Variants in NTM observed in about 807,000 individuals in gnomAD.
The protein encoded by NTM is neurotrimin.
Under a neutral mutation model 42.1 loss-of-function variants are expected in NTM, and 13 were observed. The ratio of observed to expected loss-of-function variants is 0.31; its 90% CI spans 0.20 to 0.49. The LOEUF is 0.49. NTM is among the 20% of genes least tolerant of loss of function. The pLI, the probability that NTM is intolerant of heterozygous loss-of-function variation, is 0.99. For missense variants in NTM, 373 were observed against 452.8 expected, an observed-to-expected ratio of 0.82 and a Z score of 1.60; for synonymous variants, 187 against 179.2, an observed-to-expected ratio of 1.04 and a Z score of -0.35.
chr11:131,683,968 G>T (rs926752814), intron 1 of NTM, among the ~76,000 whole-genome samples: 1 of 152,192 alleles, frequency 6.6e-6, no homozygotes, highest in South Asian at 2.1e-4. Context: ...GTGGCAAGAG[G>T]TTATTGGGAC....
intron 1 of NTM, among the ~76,000 whole-genome samples, chr11:131,634,444 T>C (rs2064114729): frequency 6.6e-6 from 1 of 151,962 alleles, no homozygotes. Context: ...CTCTGCATAA[T>C]ACAGTAATGA....
intron 1 of NTM, among the ~76,000 whole-genome samples, chr11:131,634,718 G>T (rs1055501937): frequency 1.8e-4 from 28 of 151,434 alleles, no homozygotes; most frequent in Non-Finnish European, 3.5e-4. Flanking sequence ...TGTGAACTTT[G>T]TGACTTCAGC....
chr11:131,944,804 T>G (rs1192143892), intron 2 of NTM, among the ~76,000 whole-genome samples: 2 of 152,298 alleles, frequency 1.3e-5, no homozygotes. Flanking sequence ...GTCGTGGAAA[T>G]GTATCATGCC....
chr11:132,134,722 T>C (rs1451582552), intron 2 of NTM, among the ~76,000 whole-genome samples: 1 of 55,720 alleles, frequency 1.8e-5, no homozygotes, highest in East Asian at 4.0e-4. Context: ...TATATATATA[T>C]ATATATATAT....
chr11:132,325,459 A>G (rs2095659424), intron 7 of NTM, among the ~76,000 whole-genome samples: 1 of 152,240 alleles, frequency 6.6e-6, no homozygotes, highest in South Asian at 2.1e-4. Context: ...AATCAAAACC[A>G]CAGTGAGATA....
At chr11:131,633,662 T>TCTCCCTCTCTCC (rs2063935750) in intron 1 of NTM, among the ~76,000 whole-genome samples, 1 of 133,188 alleles carries the variant, frequency 7.5e-6, no homozygotes, top group East Asian at 2.6e-4. Flanking sequence ...TCTCCCTCTC[T>TCTCCCTCTCTCC]CTCCCTCTCT....
intron 2 of NTM, among the ~76,000 whole-genome samples, chr11:131,993,707 A>G (rs2067433806): frequency 6.6e-6 from 1 of 152,172 alleles, no homozygotes; most frequent in Admixed American, 6.5e-5. Flanking sequence ...TAGAGCAACC[A>G]TAAAGGAGAG....
At chr11:132,185,434 A>T (rs911215870) in intron 3 of NTM, among the ~76,000 whole-genome samples, 1 of 152,232 alleles carries the variant, frequency 6.6e-6, no homozygotes, top group Non-Finnish European at 1.5e-5. Context: ...TATAATGCAC[A>T]CAAAGACTTT....
chr11:132,275,329 C>CA (rs950692105), intron 4 of NTM, among the ~76,000 whole-genome samples: 1 of 151,920 alleles, frequency 6.6e-6, no homozygotes, highest in Admixed American at 6.5e-5. Flanking sequence ...GGTGACTTTT[C>CA]AAAAATCAAT....
At chr11:131,505,064 G>A (rs561667246) in intron 1 of NTM, among the ~76,000 whole-genome samples, 1 of 152,132 alleles carries the variant, frequency 6.6e-6, no homozygotes, top group South Asian at 2.1e-4. Flanking sequence ...TGGTCTCAGA[G>A]TCATGAAACC....
intron 2 of NTM, among the ~76,000 whole-genome samples, chr11:132,027,855 T>C (rs1223562055): frequency 6.6e-6 from 1 of 152,228 alleles, no homozygotes; most frequent in Non-Finnish European, 1.5e-5. Flanking sequence ...CTACGTCTAG[T>C]AATCCCATTG....
At chr11:131,500,552 T>TATAC (rs1565569052) in intron 1 of NTM, among the ~76,000 whole-genome samples, 4 of 68,596 alleles carry the variant, frequency 5.8e-5, no homozygotes, top group Admixed American at 4.2e-4. Flanking sequence ...TATATATATA[T>TATAC]ATATATATAT....
intron 2 of NTM, among the ~76,000 whole-genome samples, chr11:132,041,591 A>G (rs1240670259): frequency 1.3e-5 from 2 of 152,334 alleles, no homozygotes; most frequent in East Asian, 1.9e-4. Context: ...CTCAGTGGGT[A>G]TGAACGTGCA....
At chr11:131,657,970 A>C (rs1268563710) in intron 1 of NTM, among the ~76,000 whole-genome samples, 1 of 152,116 alleles carries the variant, frequency 6.6e-6, no homozygotes, top group Non-Finnish European at 1.5e-5. Flanking sequence ...TTCTGAAGTG[A>C]GCTCTGAAGA....
intron 4 of NTM, among the ~76,000 whole-genome samples, chr11:132,289,525 C>G (rs2094381024): frequency 6.6e-6 from 1 of 152,158 alleles, no homozygotes; most frequent in Admixed American, 6.6e-5. Context: ...TGCCATCTGC[C>G]TAGAAAGCAG....
intron 1 of NTM, among the ~76,000 whole-genome samples, chr11:131,377,421 A>G (rs965360989): frequency 6.6e-6 from 1 of 152,162 alleles, no homozygotes; most frequent in Non-Finnish European, 1.5e-5. Flanking sequence ...CCAAGAAGAT[A>G]AAAGGAGAAT....
chr11:132,232,307 A>AGAG, intron 4 of NTM, among the ~76,000 whole-genome samples: 1 of 145,682 alleles, frequency 6.9e-6, no homozygotes, highest in East Asian at 2.0e-4. Flanking sequence ...TTAGGGGAAA[A>AGAG]GAGGAGGAGA....
intron 4 of NTM, among the ~76,000 whole-genome samples, chr11:132,234,289 G>A (rs1429706779): frequency 6.6e-6 from 1 of 152,150 alleles, no homozygotes; most frequent in East Asian, 1.9e-4. Flanking sequence ...GTCGGTCTTC[G>A]CTAGTACTGC....
chr11:131,743,790 TACAG>T (rs1176377161), intron 1 of NTM, among the ~76,000 whole-genome samples: 1 of 152,224 alleles, frequency 6.6e-6, no homozygotes, highest in Non-Finnish European at 1.5e-5. Context: ...TTCAGCATAA[TACAG>T]ACAAACTAGA....
Sources: allele counts gnomAD v4.1 joint callset (sites outside exome capture counted in the v4.1 genomes callset), GRCh38; gene constraint gnomAD v4.1.1; transcripts MANE v1.5; gene names NCBI Gene and HGNC (gene_info 2026-07-23, HGNC 2026-07-21).